Variants in HNRNPA3 observed in about 807,000 individuals in gnomAD.
HNRNPA3 encodes the protein heterogeneous nuclear ribonucleoprotein A3.
In HNRNPA3, 3 loss-of-function variants were observed where a neutral mutation model predicts 45.8. The ratio of observed to expected loss-of-function variants is 0.07; its 90% confidence interval spans 0.03 to 0.17. The LOEUF (loss-of-function observed/expected upper bound fraction) is 0.17, where lower values mean the gene tolerates loss of function less well. HNRNPA3 is among the 10% of genes least tolerant of loss of function. The pLI is 1.00. For synonymous variants in HNRNPA3, 170 were observed against 155.6 expected (o/e 1.09, Z -0.69); for missense variants, 183 against 480.3 (o/e 0.38, Z 5.79).
chr2:177,212,865 G>A (rs772627171), exon 1 of HNRNPA3: 13 of 1,517,566 alleles, frequency 8.6e-6, no homozygotes, highest in Admixed American at 2.0e-5. Context: ...GCCGCCGGGG[G>A]GAGGAGGTAT....
At chr2:177,219,095 A>G (rs1298120451) in exon 9 of HNRNPA3, 2 of 1,614,178 alleles carry the variant, frequency 1.2e-6, no homozygotes, top group Non-Finnish European at 8.5e-7. Flanking sequence ...GACAACAGCA[A>G]TCAAATTATG....
chr2:177,219,103 A>G (rs1397566064), exon 9 of HNRNPA3: 1 of 1,614,152 alleles, frequency 6.2e-7, no homozygotes, highest in Non-Finnish European at 8.5e-7. Context: ...CAATCAAATT[A>G]TGGACCCATG....
chr2:177,215,243 C>T (rs1024227094), intron 1 of HNRNPA3, among the ~76,000 whole-genome samples: 6 of 152,032 alleles, frequency 3.9e-5, no homozygotes, highest in African/African-American at 1.5e-4. Context: ...TACAGACGCC[C>T]GCCACCACGC....
At chr2:177,223,632 G>T (rs2105444289), downstream of HNRNPA3, 1 of 152,322 alleles carries the variant, frequency 6.6e-6, no homozygotes, top group Non-Finnish European at 1.5e-5. Flanking sequence ...AGTATCTTGG[G>T]AGTTCCAGTA....
chr2:177,223,497 G>A (rs1343121972), downstream of HNRNPA3: 1 of 152,044 alleles, frequency 6.6e-6, no homozygotes, highest in East Asian at 1.9e-4. Context: ...CTTCTAAAAA[G>A]CTGAATTTAT....
At chr2:177,213,443 C>T (rs541130588) in intron 1 of HNRNPA3, among the ~76,000 whole-genome samples, 1 of 152,214 alleles carries the variant, frequency 6.6e-6, no homozygotes, top group Non-Finnish European at 1.5e-5. Flanking sequence ...GAAGTTCTGC[C>T]GACGCTTTTC....
chr2:177,220,071 A>G (rs1045942737), exon 11 of HNRNPA3: 2 of 152,658 alleles, frequency 1.3e-5, no homozygotes, highest in Non-Finnish European at 2.9e-5. Context: ...TATTTAAATT[A>G]GCATTTGTGA....
At chr2:177,214,910 AC>A (rs1266339595) in intron 1 of HNRNPA3, among the ~76,000 whole-genome samples, 49 of 152,332 alleles carry the variant, frequency 3.2e-4, no homozygotes, top group African/African-American at 1.1e-3. Flanking sequence ...AAAATGACTT[AC>A]TAGCAACTTC....
chr2:177,219,311 A>G (rs756112285), exon 10 of HNRNPA3: 2 of 1,606,638 alleles, frequency 1.2e-6, no homozygotes, highest in South Asian at 2.2e-5. Flanking sequence ...AACAGCAGAA[A>G]AGGGTAGGTA....
In HNRNPA3 at chr2:177,216,779, G is replaced by GT. The variant is rs770988338; in HGVS notation, c.739+11dup. 3.1e-6 allele frequency: 5 copies of GT among 1,614,138 alleles called. No individual in the cohort carries two copies. Among genetic ancestry groups the GT allele is most frequent in the East Asian group, 2.2e-5 (1 of 44,892 alleles). On this transcript the variant is annotated intron_variant, in intron 6 of 10. Coordinates refer to ENST00000392524, the Ensembl canonical transcript of HNRNPA3. Reference sequence around the variant, plus strand: ...GAAACTTTGGTGGAAGAGGTAGGCTGTTTATCTTCTAAGTACATGGATACC... The same window carrying GT: ...GAAACTTTGGTGGAAGAGGTAGGCTGTTTTATCTTCTAAGTACATGGATACC...
chr2:177,213,162 G>A (rs1001603857), intron 1 of HNRNPA3, among the ~76,000 whole-genome samples: 2 of 152,160 alleles, frequency 1.3e-5, no homozygotes, highest in African/African-American at 2.4e-5. Context: ...GGCCGAGGGC[G>A]GCATGGCGGG....
exon 8 of HNRNPA3, chr2:177,217,718 C>T (rs768986881): frequency 8.7e-6 from 14 of 1,612,408 alleles, no homozygotes; most frequent in Non-Finnish European, 1.1e-5. Context: ...GCAACTATGG[C>T]GGTGGTCCTG....
At chr2:177,220,120 T>A (rs1203447302), downstream of HNRNPA3, 9 of 152,646 alleles carry the variant, frequency 5.9e-5, no homozygotes, top group Non-Finnish European at 8.8e-5. Context: ...TGAAAAAAAA[T>A]CTCAAAATTT....
chr2:177,218,445 GTTTA>G (rs778383281), intron 8 of HNRNPA3, among the ~76,000 whole-genome samples: 4 of 152,230 alleles, frequency 2.6e-5, no homozygotes, highest in Non-Finnish European at 4.4e-5. Flanking sequence ...AAGATTGGGA[GTTTA>G]TTTATTGCCA....
intron 7 of HNRNPA3, 105 bp downstream of exon 7, chr2:177,217,045 T>C (rs2105431740): frequency 4.2e-6 from 5 of 1,199,872 alleles, no homozygotes; most frequent in African/African-American, 1.5e-5. Flanking sequence ...AGTGGCTAAA[T>C]GGTTAAGGTG....
chr2:177,213,705 G>C (rs1477611818), intron 1 of HNRNPA3, among the ~76,000 whole-genome samples: 1 of 152,234 alleles, frequency 6.6e-6, no homozygotes, highest in South Asian at 2.1e-4. Flanking sequence ...CGCTGAGGAG[G>C]GTGGGTGGAG....
intron 1 of HNRNPA3, among the ~76,000 whole-genome samples, chr2:177,214,878 C>T (rs960993493): frequency 6.6e-6 from 1 of 152,182 alleles, no homozygotes; most frequent in African/African-American, 2.4e-5. Context: ...AACACTGCTT[C>T]TCCAACAGTT....
exon 11 of HNRNPA3, chr2:177,219,854 T>C (rs1286644544): frequency 6.5e-6 from 1 of 152,728 alleles, no homozygotes; most frequent in Non-Finnish European, 1.5e-5. Context: ...TGTTTCCTTG[T>C]GAGTTAACAA....
intron 1 of HNRNPA3, among the ~76,000 whole-genome samples, chr2:177,214,329 A>G (rs1457518484): frequency 3.3e-5 from 5 of 152,228 alleles, no homozygotes; most frequent in Non-Finnish European, 1.5e-5. Flanking sequence ...GCAGCATATA[A>G]CAAACATGGG....
Sources: allele counts gnomAD v4.1 joint callset (sites outside exome capture counted in the v4.1 genomes callset), GRCh38; gene constraint gnomAD v4.1.1; transcripts MANE v1.5; gene names NCBI Gene and HGNC (gene_info 2026-07-23, HGNC 2026-07-21).